The following APLP2 variants were observed in gnomAD, a reference collection of about 807,000 sequenced individuals.
APLP2 encodes CDEI box-binding protein.
APLP2 carries 53 observed loss-of-function variants against 89.9 expected under a neutral mutation model. The observed-to-expected ratio is 0.59, with a 90% CI of 0.47 to 0.74. The LOEUF (loss-of-function observed/expected upper bound fraction) is 0.74. Among genes scored for constraint, APLP2 ranks in the 30% least tolerant of loss-of-function variants. APLP2 has a pLI of 0.00. For missense variants in APLP2, 973 were observed against 975.9 expected (o/e 1.00, Z 0.04); for synonymous variants, 372 against 348.6 (o/e 1.07, Z -0.75).
chr11:130,132,752 T>C (rs1043736245), intron 11 of APLP2, among the ~76,000 whole-genome samples: 2 of 152,234 alleles, frequency 1.3e-5, no homozygotes, highest in Non-Finnish European at 1.5e-5. Context: ...AATAGCAATT[T>C]AGTTAAATAG....
chr11:130,079,001 T>G (rs1942635104), intron 1 of APLP2, among the ~76,000 whole-genome samples: 1 of 152,188 alleles, frequency 6.6e-6, no homozygotes, highest in South Asian at 2.1e-4. Context: ...TTGCTTTTGC[T>G]TTGGGTCTAT....
chr11:130,140,421 G>A lies in APLP2; in HGVS notation c.1861G>A (p.Gly621Arg), dbSNP rs1339372369. 2 of 1,610,878 alleles carry A rather than the reference G, an allele frequency of 1.2e-6. No homozygotes were observed. Among genetic ancestry groups the A allele is most frequent in the East Asian group, 2.2e-5 (1 of 44,614 alleles). The stretch of plus-strand genomic sequence containing the variant: ...AGGATCTGGAGTGGGAGAGCAGGAT[G>A]GGGGACTGATCGGTGCCGAAGAGAA... ...NEGSGVGEQD[G>R]GLIGAEEKVI... is the part of the protein sequence containing the mutation. The change falls in exon 14 of 17, where the codon GGG becomes AGG. Residue 621 changes from glycine to arginine, a missense_variant. Transcript: ENST00000338167.
chr11:130,118,327 A>C lies in APLP2; in HGVS notation c.404-2379A>C, dbSNP rs1949445229. ...CTACCAGGTGTCAGTTTCTGTTTTT[A>C]TTTTAAACAACAAACCCACATGTGG... On this transcript the variant is annotated intron_variant, in intron 3 of 16. Transcript: ENST00000338167. Among the ~76,000 whole-genome samples the C allele has an allele frequency of 3.3e-5, 5 of 152,290 alleles. No homozygotes were observed. In the South Asian group the frequency reaches 1.0e-3, roughly 32 times the overall value.
rs1396305832 is a variant in APLP2, at chr11:130,123,315, G to A, written c.923-297G>A. On this transcript the variant is annotated intron_variant, in intron 6 of 16. Coordinates refer to ENST00000338167, the MANE Select transcript of APLP2 (RefSeq NM_001142276.2). This position sits in a 1 kb window ranked among gnomAD's most constrained non-coding sequence, Gnocchi z 4.0. Reference sequence around the variant, plus strand: ...CCTCCACTGAACAGATCAGAAATGTGAGGCTCTCGCAGCTGTGAGACAAAG... The same window carrying A: ...CCTCCACTGAACAGATCAGAAATGTAAGGCTCTCGCAGCTGTGAGACAAAG... 6.6e-6 allele frequency among the ~76,000 whole-genome samples: 1 copy of A among 152,202 alleles called. No individual in the cohort carries two copies. Among genetic ancestry groups the A allele is most frequent in the African/African-American group, 2.4e-5 (1 of 41,442 alleles).
At chr11:130,115,107 A>C (rs1949020171) in intron 3 of APLP2, among the ~76,000 whole-genome samples, 1 of 152,150 alleles carries the variant, frequency 6.6e-6, no homozygotes, top group African/African-American at 2.4e-5. Flanking sequence ...TCATTACATA[A>C]GGCTGTTTTC....
Position 130,123,522 on chromosome 11 carries a change from G to A in APLP2, c.923-90G>A. ...TCCGTCCAGTCTCAGGCCTCCCCCA[G>A]CCCATCCCCCAGCTCGCCAGCCTGT... is the stretch of plus-strand genomic sequence containing the variant. On this transcript the variant is annotated intron_variant, in intron 6 of 16. Transcript: ENST00000338167. This position sits in a 1 kb window ranked among gnomAD's most constrained non-coding sequence, Gnocchi z 4.0. The A allele has an allele frequency of 7.1e-7, 1 of 1,405,432 alleles. No individual in the cohort carries two copies. The highest frequency in any genetic ancestry group is 2.3e-5 in the East Asian group (1 of 42,846). The allele number at this position is 1,405,432 out of a possible 1,614,324, so 87.1% of individuals were successfully genotyped here.
At chr11:130,111,535 G>A (rs960200935) in intron 3 of APLP2, among the ~76,000 whole-genome samples, 1 of 152,170 alleles carries the variant, frequency 6.6e-6, no homozygotes, top group Non-Finnish European at 1.5e-5. Context: ...TTCTGCTTCT[G>A]ATGGCAGCAA....
At chr11:130,079,135 G>A (rs1391869266) in intron 1 of APLP2, among the ~76,000 whole-genome samples, 1 of 151,912 alleles carries the variant, frequency 6.6e-6, no homozygotes, top group African/African-American at 2.4e-5. Context: ...TTGTTGCTCT[G>A]TCACCCAGGC....
chr11:130,140,806 G>A (rs893949829), intron 14 of APLP2: 2 of 182,152 alleles, frequency 1.1e-5, no homozygotes, highest in African/African-American at 4.7e-5. Context: ...GTTGGGTTTT[G>A]TTCTTATACT....
intron 10 of APLP2, among the ~76,000 whole-genome samples, chr11:130,129,743 G>A (rs1162711023): frequency 2.0e-5 from 3 of 152,190 alleles, no homozygotes; most frequent in Admixed American, 1.3e-4. Context: ...CTAGCTTATA[G>A]GTGTCAGAGG....
chr11:130,083,021 C>CTTTTTTTTTTTTTTTT lies in APLP2; in HGVS notation c.105+12943_105+12944insTTTTTTTTTTTTTTTT, dbSNP rs1469566240. ...AAATATATTAACCACTGAAACTTTT[C>CTTTTTTTTTTTTTTTT]TTTTCTTTTTTTTTTTTTTTTTTTT... On this transcript the variant is annotated intron_variant, in intron 1 of 16. Coordinates refer to ENST00000338167, the MANE Select transcript of APLP2 (RefSeq NM_001142276.2). Among the ~76,000 whole-genome samples, 6 of 79,978 alleles carry CTTTTTTTTTTTTTTTT rather than the reference C, an allele frequency of 7.5e-5. 1 individual carries two copies. Among genetic ancestry groups the CTTTTTTTTTTTTTTTT allele is most frequent in the African/African-American group, 2.5e-4 (5 of 19,620 alleles). 52.5% of individuals were successfully genotyped at this position (79,978 alleles called of 152,430 possible). A position where few individuals can be genotyped will look rare whatever the true frequency, so the allele number is the denominator to read the frequency against.
At chr11:130,094,052 T>A in intron 1 of APLP2, among the ~76,000 whole-genome samples, 1 of 147,042 alleles carries the variant, frequency 6.8e-6, no homozygotes, top group African/African-American at 2.5e-5. Flanking sequence ...GCCGTATTTT[T>A]TTTTTTTTTT....
rs144560038 is a variant in APLP2 at position 130,101,726 on chromosome 11, C to G, written c.106-7703C>G. The stretch of plus-strand genomic sequence containing the variant: ...CTACAAGAGTTCCCCTATACTGTAA[C>G]CCTGTTTCCCTTAATGTTGACATCT... On this transcript the variant is annotated intron_variant, in intron 1 of 16. Coordinates refer to ENST00000338167, the MANE Select transcript of APLP2 (RefSeq NM_001142276.2). Among the ~76,000 whole-genome samples, 648 of 152,304 alleles carry G rather than the reference C, an allele frequency of 4.3e-3. 7 individuals are homozygous for G. The highest frequency in any genetic ancestry group is 4.9e-3 in the Non-Finnish European group (334 of 68,028).
chr11:130,117,722 G>A (rs553251314), intron 3 of APLP2, among the ~76,000 whole-genome samples: 241 of 152,248 alleles, frequency 1.6e-3, no homozygotes, highest in South Asian at 2.7e-3. Context: ...TTTACAGCTT[G>A]CTTTTACTTT....
At chr11:130,088,254 A>G (rs1400443419) in intron 1 of APLP2, among the ~76,000 whole-genome samples, 7 of 152,204 alleles carry the variant, frequency 4.6e-5, no homozygotes, top group African/African-American at 1.7e-4. Flanking sequence ...GGATGGTTTG[A>G]TTGTTCCAGG....
rs1565596555 is a variant in APLP2 at position 130,130,146 on chromosome 11, G to A, written c.1564G>A (p.Ala522Thr). ...TGTGTTGGCTGTTGACCCAGAAAAG[G>A]CGGCCCAGATGAAATCCCAGGTACA... ...QHVLAVDPEK[A>T]AQMKSQVMTH... is the part of the protein sequence containing the mutation. Residue 522 changes from alanine (A) to threonine (T), a missense_variant, in exon 11 of 17, where the codon GCG (alanine) becomes ACG (threonine). By Grantham distance (58) the Ala-to-Thr change is moderately conservative (BLOSUM62 0). Coordinates refer to ENST00000338167, the MANE Select transcript of APLP2 (RefSeq NM_001142276.2). The A allele has an allele frequency of 6.2e-7, 1 of 1,614,120 alleles. No homozygotes were observed. The highest frequency in any genetic ancestry group is 1.1e-5 in the South Asian group (1 of 91,088).
At chr11:130,073,733 C>T (rs965560702) in intron 1 of APLP2, among the ~76,000 whole-genome samples, 2 of 152,104 alleles carry the variant, frequency 1.3e-5, no homozygotes, top group Admixed American at 1.3e-4. Flanking sequence ...CCCAGCTACT[C>T]AGGAGGCTGA....
rs1020618347 is a variant in APLP2 at position 130,070,916 on chromosome 11, C to T, written c.105+834C>T. On this transcript the variant is annotated intron_variant, in intron 1 of 16. Coordinates refer to ENST00000338167, the MANE Select transcript of APLP2 (RefSeq NM_001142276.2). ...TGCGAGAAAGGCGAAGCGGCAGGGCCGGGGGTTGGGGAGGCCGCGGGAGGG... is the reference window on the plus strand; with the variant it reads ...TGCGAGAAAGGCGAAGCGGCAGGGCTGGGGGTTGGGGAGGCCGCGGGAGGG... Among the ~76,000 whole-genome samples, 5 of 86,064 alleles carry T rather than the reference C, an allele frequency of 5.8e-5. No homozygotes were observed. In the East Asian group the frequency reaches 1.4e-3, roughly 24 times the overall value. The allele number at this position is 86,064 out of a possible 152,430, so 56.5% of individuals were successfully genotyped here.
At chr11:130,078,579 A>G (rs951824751) in intron 1 of APLP2, among the ~76,000 whole-genome samples, 12 of 152,052 alleles carry the variant, frequency 7.9e-5, no homozygotes, top group Admixed American at 5.9e-4. Flanking sequence ...TATATTGTCA[A>G]TGGGGAACTT....
Sources: allele counts gnomAD v4.1 joint callset (sites outside exome capture counted in the v4.1 genomes callset), GRCh38; gene constraint gnomAD v4.1.1; non-coding constraint Gnocchi (gnomAD v3.1); transcripts MANE v1.5; gene names NCBI Gene and HGNC (gene_info 2026-07-23, HGNC 2026-07-21).